Variants in ERGIC2 observed in about 807,000 individuals in gnomAD.
ERGIC2 encodes the protein ERGIC and golgi 2.
ERGIC2 carries 31 observed loss-of-function variants against 52.5 expected under a neutral mutation model. That is an observed-to-expected ratio of 0.59 (90% confidence interval 0.44 to 0.80). The LOEUF is 0.80. Among genes scored for constraint, ERGIC2 ranks in the 30% least tolerant of loss-of-function variants. The probability of loss-of-function intolerance (pLI) is 0.00; values close to 1 mark genes in which losing one functional copy is unlikely to be tolerated. For synonymous variants in ERGIC2, 129 were observed against 140.6 expected, an observed-to-expected ratio of 0.92 and a Z score of 0.58; for missense variants, 395 against 455.2, an observed-to-expected ratio of 0.87 and a Z score of 1.20.
rs1365630041 is a variant in ERGIC2, at chr12:29,381,134, C to T, written c.-57G>A. 1 of 152,236 alleles carries T rather than the reference C, an allele frequency of 6.6e-6. No homozygotes were observed. 9.4% of individuals were successfully genotyped at this position (152,236 alleles called of 1,614,324 possible). A position where few individuals can be genotyped will look rare whatever the true frequency, so the allele number is the denominator to read the frequency against. On this transcript the variant is annotated 5_prime_UTR_variant, in exon 1 of 14. Coordinates refer to ENST00000360150, the MANE Select transcript of ERGIC2 (RefSeq NM_016570.3). ...TTTTACCTTGTGTTATGGTCCCAGCCTACCGCCATGTTTCACAGAAGCCCG... is the reference window on the plus strand; with the variant it reads ...TTTTACCTTGTGTTATGGTCCCAGCTTACCGCCATGTTTCACAGAAGCCCG...
At chr12:29,363,700 G>C (rs1160719128) in intron 5 of ERGIC2, among the ~76,000 whole-genome samples, 1 of 151,772 alleles carries the variant, frequency 6.6e-6, no homozygotes, top group Non-Finnish European at 1.5e-5. Flanking sequence ...AATCTGCAAA[G>C]CATTTTGCAA....
chr12:29,363,756 T>C (rs1258466242), intron 5 of ERGIC2, among the ~76,000 whole-genome samples: 1 of 148,554 alleles, frequency 6.7e-6, no homozygotes, highest in Non-Finnish European at 1.5e-5. Context: ...TTAATGATTC[T>C]CAAGAGCTTA....
At position 29,341,181 on chromosome 12, in the gene ERGIC2, G is replaced by T; in HGVS notation, c.1109C>A (p.Pro370His). Residue 370 changes from proline (P) to histidine (H), a missense_variant, in exon 14 of 14, where the codon CCT (proline) becomes CAT (histidine). Transcript: ENST00000360150. ...FEDGHTDNHL[P>H]LLENNTH ...TTAATGTGTATTATTTTCTAAAAGA[G>T]GTAAGTGGTTGTCTGTGTGGCCATC... The T allele has an allele frequency of 6.2e-7, 1 of 1,610,182 alleles. No individual in the cohort carries two copies.
chr12:29,377,921 T>C (rs1306574874), intron 1 of ERGIC2, among the ~76,000 whole-genome samples: 2 of 152,264 alleles, frequency 1.3e-5, no homozygotes, highest in East Asian at 3.8e-4. Flanking sequence ...AGTTAACTTC[T>C]ATTTTTAATA....
At position 29,366,866 on chromosome 12, in the gene ERGIC2, A is replaced by G. The variant is rs1940370424; in HGVS notation, c.333+11T>C. 6.3e-7 allele frequency: 1 copy of G among 1,578,784 alleles called. No homozygotes were observed. Among genetic ancestry groups the G allele is most frequent in the Non-Finnish European group, 8.7e-7 (1 of 1,154,404 alleles). On this transcript the variant is annotated intron_variant, in intron 5 of 13. Transcript: ENST00000360150. Reference sequence around the variant, plus strand: ...CCGTGTATTTCAAAAAACCATGTGAATCAAACTTACTGGTTCATAAACTAA... The same window carrying G: ...CCGTGTATTTCAAAAAACCATGTGAGTCAAACTTACTGGTTCATAAACTAA...
rs576791462 is a variant in ERGIC2 at position 29,369,295 on chromosome 12, A to T, written c.215+819T>A. ...TTGCATTGGTGCTGAAAACAACAAC[A>T]AATTCTTTGAAAACCAATACTATCC... On this transcript the variant is annotated intron_variant, in intron 3 of 13. Coordinates refer to ENST00000360150, the MANE Select transcript of ERGIC2 (RefSeq NM_016570.3). Among the ~76,000 whole-genome samples, 8 of 152,078 alleles carry T rather than the reference A, an allele frequency of 5.3e-5. No individual in the cohort carries two copies. In the South Asian group the frequency reaches 1.7e-3, roughly 31 times the overall value.
chr12:29,361,755 T>G (rs1940289957), intron 5 of ERGIC2, 70 bp from the exon 6 acceptor site: 1 of 1,340,708 alleles, frequency 7.5e-7, no homozygotes, highest in Admixed American at 2.2e-5. Context: ...AATTTAAAAT[T>G]TTTTCTTTGA....
At position 29,340,990 on chromosome 12, in the gene ERGIC2, T is replaced by C. The variant is rs564608668; in HGVS notation, c.*166A>G. 42 of 632,196 alleles carry C rather than the reference T, an allele frequency of 6.6e-5. No individual in the cohort carries two copies. Among genetic ancestry groups the C allele is most frequent in the Middle Eastern group, 2.6e-4 (1 of 3,844 alleles). 39.2% of individuals were successfully genotyped at this position (632,196 alleles called of 1,614,324 possible). A position where few individuals can be genotyped will look rare whatever the true frequency, so the allele number is the denominator to read the frequency against. Reference sequence around the variant, plus strand: ...ACATTTGTAACAGACACAACGTATATAGAATTTCAGTTTGGGTTTTTTTAT... The same window carrying C: ...ACATTTGTAACAGACACAACGTATACAGAATTTCAGTTTGGGTTTTTTTAT... On this transcript the variant is annotated 3_prime_UTR_variant, in exon 14 of 14. Transcript: ENST00000360150.
At chr12:29,363,022 T>C (rs1002742982) in intron 5 of ERGIC2, among the ~76,000 whole-genome samples, 1 of 152,170 alleles carries the variant, frequency 6.6e-6, no homozygotes, top group Non-Finnish European at 1.5e-5. Context: ...AGAAACTACT[T>C]TGTAGGCCCT....
intron 1 of ERGIC2, chr12:29,380,627 T>G (rs1440072579): frequency 6.6e-6 from 1 of 150,812 alleles, no homozygotes; most frequent in Non-Finnish European, 1.5e-5. Flanking sequence ...TCCGAAGCAC[T>G]GTGCGAAACT....
chr12:29,354,447 CTTCA>C lies in ERGIC2; in HGVS notation c.572+1931_572+1934del, dbSNP rs571788377. Among the ~76,000 whole-genome samples the C allele has an allele frequency of 2.4e-4, 36 of 152,302 alleles. No homozygotes were observed. In the South Asian group the frequency reaches 6.0e-3, roughly 25 times the overall value. ...CATATAAGTGGCAAGCATCTGCCTA[CTTCA>C]TTATGTCTTCTAGTGTATTCACGCT... On this transcript the variant is annotated intron_variant, in intron 8 of 13. Transcript: ENST00000360150.
At position 29,357,637 on chromosome 12, in the gene ERGIC2, T is replaced by C. The variant is rs1940226629; in HGVS notation, c.462A>G (p.Thr154=). The C allele has an allele frequency of 4.5e-6, 7 of 1,563,048 alleles. No homozygotes were observed. Among genetic ancestry groups the C allele is most frequent in the South Asian group, 1.1e-5 (1 of 89,524 alleles). Residue 154 remains threonine (T), a synonymous_variant, in exon 7 of 14, where the codon ACA becomes ACG. Transcript: ENST00000360150. The part of the protein sequence containing the change: ...IFKSAFKSTS[T]ALPPREDDSS... ...ACAGATCTCACCTTGGTGGAAGAGC[T>C]GTTGATGTACTTTTAAAAGCACTTT...
rs764592268 is a variant in ERGIC2 at position 29,349,161 on chromosome 12, A to G, written c.645T>C (p.His215=). 2.6e-6 allele frequency: 4 copies of G among 1,557,172 alleles called. No individual in the cohort carries two copies. The highest frequency in any genetic ancestry group is 4.1e-5 in the Admixed American group (2 of 48,774). The change falls in exon 10 of 14, where the codon CAT becomes CAC. Residue 215 remains histidine (H), a synonymous_variant. Coordinates refer to ENST00000360150, the MANE Select transcript of ERGIC2 (RefSeq NM_016570.3). ...LVNHESYNFS[H]RIDHLSFGEL... ...CTCCAAAAGACAAATGATCTATTCT[A>G]TGAGAAAAATTGTAAGCTAAAAGGC... is the stretch of plus-strand genomic sequence containing the variant.
At chr12:29,347,006 T>C (rs770838728) in intron 10 of ERGIC2, among the ~76,000 whole-genome samples, 7 of 152,198 alleles carry the variant, frequency 4.6e-5, no homozygotes, top group Non-Finnish European at 8.8e-5. Context: ...GAGTGAGAAC[T>C]TGAACCCAGG....
chr12:29,350,641 A>G (rs369034893), intron 8 of ERGIC2, among the ~76,000 whole-genome samples: 3 of 152,238 alleles, frequency 2.0e-5, no homozygotes, highest in East Asian at 3.8e-4. Flanking sequence ...ACTTATAAAC[A>G]TGTTATTATA....
rs370078753 is a variant in ERGIC2, at chr12:29,341,721, C to A, written c.1071+13G>T. Reference sequence around the variant, plus strand: ...GATTTAGAGATCAGCACCATGTATACTACACCACTTACAGAATTGACAGGT... The same window carrying A: ...GATTTAGAGATCAGCACCATGTATAATACACCACTTACAGAATTGACAGGT... On this transcript the variant is annotated intron_variant, in intron 13 of 13. Transcript: ENST00000360150. 231 of 1,401,818 alleles carry A rather than the reference C, an allele frequency of 1.6e-4. No individual in the cohort carries two copies. The highest frequency in any genetic ancestry group is 2.1e-4 in the Non-Finnish European group (209 of 987,848). The allele number at this position is 1,401,818 out of a possible 1,614,324, so 86.8% of individuals were successfully genotyped here. A position where few individuals can be genotyped will look rare whatever the true frequency, so the allele number is the denominator to read the frequency against.
intron 10 of ERGIC2, among the ~76,000 whole-genome samples, chr12:29,348,087 A>C (rs1472983468): frequency 6.6e-6 from 1 of 152,184 alleles, no homozygotes; most frequent in African/African-American, 2.4e-5. Context: ...GATTATACTG[A>C]CTAAAGCTTA....
At chr12:29,349,209 G>T in intron 9 of ERGIC2, 32 bp from the exon 10 acceptor site, 1 of 1,067,168 alleles carries the variant, frequency 9.4e-7, no homozygotes, top group South Asian at 1.4e-5. Flanking sequence ...CAACTTAGCA[G>T]AGAAATTATA....
At chr12:29,371,934 T>C (rs1207944077) in intron 1 of ERGIC2, among the ~76,000 whole-genome samples, 1 of 152,136 alleles carries the variant, frequency 6.6e-6, no homozygotes, top group Non-Finnish European at 1.5e-5. Context: ...ATGAATAATG[T>C]CTAAATATAA....
Sources: allele counts gnomAD v4.1 joint callset (sites outside exome capture counted in the v4.1 genomes callset), GRCh38; gene constraint gnomAD v4.1.1; transcripts MANE v1.5; gene names NCBI Gene and HGNC (gene_info 2026-07-23, HGNC 2026-07-21).